Variants in PDZD2 observed in about 807,000 individuals in gnomAD.
The protein encoded by PDZD2 is PDZ domain-containing protein 2.
A neutral mutation model predicts 220.7 loss-of-function variants in PDZD2; 90 were observed. The ratio of observed to expected loss-of-function variants is 0.41; its 90% confidence interval spans 0.34 to 0.49. PDZD2 has a LOEUF of 0.49. PDZD2 is among the 20% of genes least tolerant of loss of function. The pLI, the probability that PDZD2 is intolerant of heterozygous loss-of-function variation, is 0.28. For synonymous variants in PDZD2, 1,375 were observed against 1,450.5 expected (o/e 0.95, Z 1.18); for missense variants, 3,174 against 3,608.5 (o/e 0.88, Z 3.08).
rs1442680749 is a variant in PDZD2, at chr5:31,862,876, G to A, written c.476+63152G>A. 4.6e-5 allele frequency among the ~76,000 whole-genome samples: 7 copies of A among 152,150 alleles called. No homozygotes were observed. In the South Asian group the frequency reaches 8.3e-4, roughly 18 times the overall value. On this transcript the variant is annotated intron_variant, in intron 2 of 24. Transcript: ENST00000438447. ...TAAGTAGCTGGGATTACAGGCACGC[G>A]CCGCTACGCCCAGCTAATTTTTTTG...
chr5:31,910,922 T>G (rs1018292527), intron 2 of PDZD2, among the ~76,000 whole-genome samples: 3 of 152,178 alleles, frequency 2.0e-5, no homozygotes, highest in Non-Finnish European at 4.4e-5. Flanking sequence ...ATTTTTAAAT[T>G]TAATATTAAA....
intron 1 of PDZD2, among the ~76,000 whole-genome samples, chr5:31,641,304 T>A (rs1203044570): frequency 6.6e-6 from 1 of 152,128 alleles, no homozygotes; most frequent in Non-Finnish European, 1.5e-5. Context: ...AGTGAAGAGA[T>A]AATTAAGTGA....
chr5:31,941,321 C>T (rs965496043), intron 2 of PDZD2, among the ~76,000 whole-genome samples: 2 of 152,182 alleles, frequency 1.3e-5, no homozygotes, highest in African/African-American at 2.4e-5. Flanking sequence ...CAGACGACTG[C>T]CCATGGGATA....
chr5:31,673,579 C>A (rs1181658497), intron 1 of PDZD2, among the ~76,000 whole-genome samples: 1 of 152,140 alleles, frequency 6.6e-6, no homozygotes, highest in Non-Finnish European at 1.5e-5. Flanking sequence ...TATGTTGGAA[C>A]CTCAGTCATC....
intron 1 of PDZD2, among the ~76,000 whole-genome samples, chr5:31,678,259 T>C (rs1467342320): frequency 1.3e-5 from 2 of 152,104 alleles, no homozygotes; most frequent in Admixed American, 1.3e-4. Flanking sequence ...CTGCAGTGCA[T>C]CCGCCAAGGA....
intron 6 of PDZD2, among the ~76,000 whole-genome samples, chr5:32,024,218 A>G (rs950511010): frequency 2.0e-5 from 3 of 152,240 alleles, no homozygotes; most frequent in South Asian, 2.1e-4. Context: ...TGCAAGATCT[A>G]TGGTAAGAAT....
In PDZD2 at chr5:31,662,723, A is replaced by G. The variant is rs779142949; in HGVS notation, c.-361+23286A>G. Among the ~76,000 whole-genome samples, 92 of 152,258 alleles carry G rather than the reference A, an allele frequency of 6.0e-4. No homozygotes were observed. The Middle Eastern group carries it at 0.01, about 17-fold the overall frequency. ...CAGCTCACTGCATGCTCCGCCTCCC[A>G]GGTTCACGCCATTCTCCTGCCTCAG... is the stretch of plus-strand genomic sequence containing the variant. On this transcript the variant is annotated intron_variant, in intron 1 of 24. Coordinates refer to ENST00000438447, the MANE Select transcript of PDZD2 (RefSeq NM_178140.4).
At chr5:31,838,923 G>T (rs1757105646) in intron 2 of PDZD2, among the ~76,000 whole-genome samples, 1 of 152,162 alleles carries the variant, frequency 6.6e-6, no homozygotes, top group Non-Finnish European at 1.5e-5. Context: ...CTAATGGGTT[G>T]GGAGAGAGGG....
At chr5:31,654,970 A>G (rs1745489943) in intron 1 of PDZD2, among the ~76,000 whole-genome samples, 2 of 152,018 alleles carry the variant, frequency 1.3e-5, no homozygotes, top group South Asian at 4.2e-4. Flanking sequence ...CATCTCTTGC[A>G]TCTGTCCCAG....
At chr5:31,844,755 C>T (rs1757499616) in intron 2 of PDZD2, among the ~76,000 whole-genome samples, 2 of 152,226 alleles carry the variant, frequency 1.3e-5, no homozygotes, top group African/African-American at 4.8e-5. Flanking sequence ...CCAGCTTCAA[C>T]TCTCCTTTAT....
Position 32,088,856 on chromosome 5 carries a change from A to G in PDZD2, c.5408A>G (p.Lys1803Arg), listed in dbSNP as rs762079561. The change falls in exon 20 of 25, where the codon AAA becomes AGA. Residue 1803 changes from lysine to arginine, a missense_variant. By Grantham distance (26) the Lys-to-Arg change is conservative. Transcript: ENST00000438447. This position sits in a 1 kb window ranked among gnomAD's most constrained non-coding sequence, Gnocchi z 4.6. Reference protein sequence around the residue: ...IARRPIMAWFKEINKHNQGTH... With the variant: ...IARRPIMAWFREINKHNQGTH... ...AGGAGGCCCATCATGGCCTGGTTTAAAGAAATAAATAAACATAACCAAGGC... is the reference window on the plus strand; with the variant it reads ...AGGAGGCCCATCATGGCCTGGTTTAGAGAAATAAATAAACATAACCAAGGC... 2.4e-5 allele frequency: 38 copies of G among 1,614,180 alleles called. No homozygotes were observed. The Middle Eastern group carries it at 8.2e-4, about 35-fold the overall frequency.
chr5:31,649,937 CAAAAAAAAAAAAA>C (rs6148975), intron 1 of PDZD2, among the ~76,000 whole-genome samples: 11 of 73,500 alleles, frequency 1.5e-4, no homozygotes, highest in Admixed American at 8.6e-4. Context: ...GACTCCGTCT[CAAAAAAAAAAAAA>C]AAAAAAAAAA....
At chr5:31,653,888 G>A (rs1166213694) in intron 1 of PDZD2, among the ~76,000 whole-genome samples, 10 of 152,086 alleles carry the variant, frequency 6.6e-5, no homozygotes, top group African/African-American at 1.7e-4. Context: ...AGGTTCAAGC[G>A]ATTCTCCTGC....
rs776000885 is a variant in PDZD2 at position 32,089,952 on chromosome 5, GTCC to G, written c.6517_6519del (p.Ser2173del). On this transcript the variant is annotated inframe_deletion, in exon 20 of 25. Coordinates refer to ENST00000438447, the MANE Select transcript of PDZD2 (RefSeq NM_178140.4). Reference sequence around the variant, plus strand: ...GATCATTCAGCATGGCAAAACTGGCGTCCTCCTCCTCCTCCCTTCAAACAGCCA... The same window carrying G: ...GATCATTCAGCATGGCAAAACTGGCGTCCTCCTCCTCCCTTCAAACAGCCA... 84 of 1,606,822 alleles carry G rather than the reference GTCC, an allele frequency of 5.2e-5. No individual in the cohort carries two copies. In the South Asian group the frequency reaches 5.3e-4, roughly 10 times the overall value.
intron 2 of PDZD2, among the ~76,000 whole-genome samples, chr5:31,869,957 C>T (rs910637709): frequency 6.6e-6 from 1 of 152,130 alleles, no homozygotes; most frequent in Non-Finnish European, 1.5e-5. Context: ...TCTCCCACCA[C>T]CCTTAAAGGC....
chr5:32,054,588 G>A (rs940158500), intron 10 of PDZD2, among the ~76,000 whole-genome samples: 1 of 151,922 alleles, frequency 6.6e-6, no homozygotes, highest in Non-Finnish European at 1.5e-5. Flanking sequence ...ACCTCACAAA[G>A]TGCTAGGATT....
intron 1 of PDZD2, among the ~76,000 whole-genome samples, chr5:31,795,178 A>G (rs1372224382): frequency 1.3e-5 from 2 of 152,214 alleles, no homozygotes; most frequent in Admixed American, 6.5e-5. Context: ...TTTGTTGGGT[A>G]GGATCGAGCT....
At chr5:31,816,287 C>CAAGAAAAAAAAAAAAAAAAA (rs1755451756) in intron 2 of PDZD2, among the ~76,000 whole-genome samples, 1 of 99,144 alleles carries the variant, frequency 1.0e-5, no homozygotes, top group African/African-American at 4.2e-5. Flanking sequence ...GACTCCATCT[C>CAAGAAAAAAAAAAAAAAAAA]AAAAAAAAAA....
intron 2 of PDZD2, among the ~76,000 whole-genome samples, chr5:31,889,019 C>G (rs1343153687): frequency 1.3e-5 from 2 of 152,128 alleles, no homozygotes; most frequent in African/African-American, 2.4e-5. Context: ...TCCCCGAGCC[C>G]CCTCCCCTAT....
Sources: allele counts gnomAD v4.1 joint callset (sites outside exome capture counted in the v4.1 genomes callset), GRCh38; gene constraint gnomAD v4.1.1; non-coding constraint Gnocchi (gnomAD v3.1); transcripts MANE v1.5; gene names NCBI Gene and HGNC (gene_info 2026-07-23, HGNC 2026-07-21).